TENT4B: variants seen among roughly 807,000 people sequenced by gnomAD.
TENT4B encodes PAP associated domain containing 5.
In TENT4B, 10 loss-of-function variants were observed where a neutral mutation model predicts 75.0. The ratio of observed to expected loss-of-function variants is 0.13; its 90% CI spans 0.08 to 0.23. TENT4B has a LOEUF of 0.23. TENT4B is among the 10% of genes least tolerant of loss of function. The pLI, the probability that TENT4B is intolerant of heterozygous loss-of-function variation, is 1.00. For missense variants in TENT4B, 579 were observed against 893.8 expected, an observed-to-expected ratio of 0.65 and a Z score of 4.49; for synonymous variants, 350 against 357.7, an observed-to-expected ratio of 0.98 and a Z score of 0.24.
chr16:50,165,475 TACAGTTCAG>T, intron 1 of TENT4B, among the ~76,000 whole-genome samples: 1 of 125,472 alleles, frequency 8.0e-6, no homozygotes, highest in South Asian at 3.0e-4. Context: ...TTTTAAAGTG[TACAGTTCAG>T]TGGTTTTCAT....
At chr16:50,171,031 A>C (rs2038196639) in intron 1 of TENT4B, among the ~76,000 whole-genome samples, 1 of 150,918 alleles carries the variant, frequency 6.6e-6, no homozygotes, top group East Asian at 1.9e-4. Context: ...TCCAGGCCTC[A>C]AGCCGTCCTC....
intron 1 of TENT4B, among the ~76,000 whole-genome samples, chr16:50,166,316 T>G (rs943090396): frequency 6.6e-6 from 1 of 152,020 alleles, no homozygotes; most frequent in African/African-American, 2.4e-5. Context: ...AACTCCTGAT[T>G]TCAAGTGATC....
intron 1 of TENT4B, among the ~76,000 whole-genome samples, chr16:50,170,563 G>A (rs1396668279): frequency 6.6e-6 from 1 of 152,214 alleles, no homozygotes; most frequent in Non-Finnish European, 1.5e-5. Flanking sequence ...GGCTCCAGAA[G>A]ATGAGCCGCA....
intron 1 of TENT4B, among the ~76,000 whole-genome samples, chr16:50,210,841 G>C (rs1189401632): frequency 3.9e-5 from 6 of 152,148 alleles, no homozygotes; most frequent in Non-Finnish European, 7.3e-5. Flanking sequence ...TGGAGCCTTT[G>C]CCAGCCATTC....
chr16:50,180,829 TCTAAGGGA>T (rs765864874), intron 1 of TENT4B, among the ~76,000 whole-genome samples: 12 of 151,838 alleles, frequency 7.9e-5, no homozygotes, highest in African/African-American at 1.5e-4. Flanking sequence ...GGCAGTGGGG[TCTAAGGGA>T]CCCCATTGCT....
chr16:50,229,129 G>C lies in TENT4B; in HGVS notation c.1966-23G>C, dbSNP rs758830282. 3 of 1,610,116 alleles carry C rather than the reference G, an allele frequency of 1.9e-6. No individual in the cohort carries two copies. The South Asian group carries it at 3.3e-5, about 18-fold the overall frequency. On this transcript the variant is annotated intron_variant, in intron 11 of 11. Transcript: ENST00000561678. ...GCTTTTCTGCAATACTGATGTCTTT[G>C]TGGTCGTTTTCTGTTTCTGCAGCAT...
intron 5 of TENT4B, among the ~76,000 whole-genome samples, chr16:50,219,987 T>A: frequency 4.6e-5 from 1 of 21,734 alleles, no homozygotes; most frequent in Non-Finnish European, 7.9e-5. Flanking sequence ...GCTAACTTTT[T>A]TTTTAATTTT....
chr16:50,209,845 T>C (rs1756373882), intron 1 of TENT4B, among the ~76,000 whole-genome samples: 1 of 152,226 alleles, frequency 6.6e-6, no homozygotes, highest in South Asian at 2.1e-4. Flanking sequence ...ACATTTTCAC[T>C]TTCTAAGGTT....
chr16:50,164,423 C>T (rs1461249235), intron 1 of TENT4B, among the ~76,000 whole-genome samples: 7 of 152,058 alleles, frequency 4.6e-5, no homozygotes, highest in Non-Finnish European at 7.3e-5. Flanking sequence ...AATTTTCTGC[C>T]TCAGCCTCCC....
intron 1 of TENT4B, among the ~76,000 whole-genome samples, chr16:50,184,396 C>T (rs749434155): frequency 3.9e-5 from 6 of 152,000 alleles, no homozygotes; most frequent in Non-Finnish European, 7.4e-5. Context: ...CGGCCGGGCG[C>T]GGTGGCTCAC....
Position 50,234,079 on chromosome 16 carries a change from C to T in TENT4B, c.*4751C>T, listed in dbSNP as rs77017260. Reference sequence around the variant, plus strand: ...AGGTCTCTCCTAAGGACAGTCTGGACGTATTTTGGGGGAATGTTATTTATC... The same window carrying T: ...AGGTCTCTCCTAAGGACAGTCTGGATGTATTTTGGGGGAATGTTATTTATC... On this transcript the variant is annotated 3_prime_UTR_variant, in exon 12 of 12. Coordinates refer to ENST00000561678, the MANE Select transcript of TENT4B (RefSeq NM_001365324.3). The T allele has an allele frequency of 1.3e-4, 126 of 985,348 alleles. No homozygotes were observed. In the East Asian group the frequency reaches 0.01, roughly 80 times the overall value. 61.0% of individuals were successfully genotyped at this position (985,348 alleles called of 1,614,324 possible).
chr16:50,180,097 C>G (rs1224897909), intron 1 of TENT4B, among the ~76,000 whole-genome samples: 1 of 120,720 alleles, frequency 8.3e-6, no homozygotes, highest in Non-Finnish European at 1.7e-5. Context: ...TTTTCACTTT[C>G]TTTTTTTCTT....
intron 1 of TENT4B, among the ~76,000 whole-genome samples, chr16:50,187,735 G>C (rs2038559990): frequency 6.6e-6 from 1 of 151,888 alleles, no homozygotes; most frequent in Non-Finnish European, 1.5e-5. Flanking sequence ...ACTTAGGAAT[G>C]CACATAAGGC....
At chr16:50,211,227 C>A in intron 1 of TENT4B, 96 bp from the exon 2 acceptor site, 3 of 1,266,638 alleles carry the variant, frequency 2.4e-6, no homozygotes, top group East Asian at 3.0e-5. Flanking sequence ...TAGTCATCAG[C>A]TGAATTATAA....
chr16:50,153,529 G>GC lies in TENT4B; in HGVS notation c.-92dup, dbSNP rs1454813666. The stretch of plus-strand genomic sequence containing the variant: ...AGCAGCGGCAGCAGCGGCAGCAGCA[G>GC]CAGCAGCCGAGGCCGGGCGTGCGCC... On this transcript the variant is annotated 5_prime_UTR_variant, in exon 1 of 12. Coordinates refer to ENST00000561678, the MANE Select transcript of TENT4B (RefSeq NM_001365324.3). 2 of 979,128 alleles carry GC rather than the reference G, an allele frequency of 2.0e-6. No homozygotes were observed. The highest frequency in any genetic ancestry group is 2.3e-4 in the East Asian group (2 of 8,634). The allele number at this position is 979,128 out of a possible 1,614,324, so 60.7% of individuals were successfully genotyped here. A position where few individuals can be genotyped will look rare whatever the true frequency, so the allele number is the denominator to read the frequency against.
intron 1 of TENT4B, among the ~76,000 whole-genome samples, chr16:50,195,950 A>G (rs1456835921): frequency 6.6e-6 from 1 of 152,200 alleles, no homozygotes; most frequent in Non-Finnish European, 1.5e-5. Flanking sequence ...TCTACAATAG[A>G]TATAGTAGAA....
At chr16:50,174,829 C>T (rs958285276) in intron 1 of TENT4B, among the ~76,000 whole-genome samples, 5 of 150,690 alleles carry the variant, frequency 3.3e-5, no homozygotes, top group Admixed American at 1.3e-4. Flanking sequence ...CTGCAGCTTC[C>T]GCCTCCCAGG....
At chr16:50,191,176 C>A (rs1165209762) in intron 1 of TENT4B, among the ~76,000 whole-genome samples, 5 of 152,054 alleles carry the variant, frequency 3.3e-5, no homozygotes, top group African/African-American at 1.2e-4. Flanking sequence ...TATAGCTGTA[C>A]AAGTATCTAT....
intron 1 of TENT4B, among the ~76,000 whole-genome samples, chr16:50,171,727 G>T (rs968780998): frequency 6.6e-6 from 1 of 152,146 alleles, no homozygotes; most frequent in Admixed American, 6.5e-5. Context: ...CACTTTGGGA[G>T]CCCAAGGCAG....
Sources: gnomAD v4.1 joint callset for allele counts (sites outside exome capture counted in the v4.1 genomes callset) on GRCh38, gnomAD v4.1.1 for gene constraint, MANE v1.5 for transcripts, NCBI Gene and HGNC (gene_info 2026-07-23, HGNC 2026-07-21) for gene names.